PCSK5: variants seen among roughly 807,000 people sequenced by gnomAD.
The protein encoded by PCSK5 is prohormone convertase 5.
Under a neutral mutation model 233.2 loss-of-function variants are expected in PCSK5, and 129 were observed. The observed-to-expected ratio is 0.55, with a 90% CI of 0.48 to 0.64. The LOEUF (loss-of-function observed/expected upper bound fraction) is 0.64. Among genes scored for constraint, PCSK5 ranks in the 30% least tolerant of loss-of-function variants. The pLI is 0.00. For synonymous variants in PCSK5, 825 were observed against 879.2 expected, an observed-to-expected ratio of 0.94 and a Z score of 1.09; for missense variants, 2,076 against 2,430.1, an observed-to-expected ratio of 0.85 and a Z score of 3.06.
At chr9:76,069,981 C>A (rs17061978) in intron 6 of PCSK5, among the ~76,000 whole-genome samples, 6,603 of 149,726 alleles carry the variant, frequency 0.044, 479 homozygotes, top group African/African-American at 0.15. Context: ...GACAAACTTT[C>A]CAATTTCCAT....
rs977952900 is a variant in PCSK5, at chr9:75,918,059, C to T, written c.193-14320C>T. On this transcript the variant is annotated intron_variant, in intron 1 of 37. Transcript: ENST00000674117. ...AGATAGTTTCTCATAGGTAACTATA[C>T]TTCTTCTAATACTGTGAACATTATT... Among the ~76,000 whole-genome samples, 4 of 152,144 alleles carry T rather than the reference C, an allele frequency of 2.6e-5. No homozygotes were observed. In the East Asian group the frequency reaches 7.7e-4, roughly 29 times the overall value.
At chr9:75,973,459 G>C (rs1365850988) in intron 2 of PCSK5, among the ~76,000 whole-genome samples, 1 of 151,830 alleles carries the variant, frequency 6.6e-6, no homozygotes, top group African/African-American at 2.4e-5. Context: ...ATTATTCTTT[G>C]ACTAAAAGAG....
chr9:76,061,695 ATCTATT>A (rs944143292), intron 5 of PCSK5, among the ~76,000 whole-genome samples: 1 of 150,340 alleles, frequency 6.7e-6, no homozygotes, highest in African/African-American at 2.5e-5. Flanking sequence ...GTTTACAGTA[ATCTATT>A]TTATATCTCA....
chr9:75,896,584 C>G (rs1825815774), intron 1 of PCSK5, among the ~76,000 whole-genome samples: 1 of 152,154 alleles, frequency 6.6e-6, no homozygotes, highest in African/African-American at 2.4e-5. Context: ...CCAGGCATTG[C>G]TCTGCATTGG....
chr9:76,122,575 G>A (rs1049497635), intron 9 of PCSK5, among the ~76,000 whole-genome samples: 1 of 151,818 alleles, frequency 6.6e-6, no homozygotes, highest in Non-Finnish European at 1.5e-5. Flanking sequence ...GTTTGGTGAC[G>A]TATTGTTTTT....
chr9:76,283,113 G>C (rs1431473138), intron 24 of PCSK5, among the ~76,000 whole-genome samples: 4 of 152,162 alleles, frequency 2.6e-5, no homozygotes, highest in Non-Finnish European at 5.9e-5. Context: ...AACTTCTCCT[G>C]GTGAAGATGC....
At chr9:76,210,474 G>A (rs1455542707) in intron 20 of PCSK5, among the ~76,000 whole-genome samples, 1 of 152,204 alleles carries the variant, frequency 6.6e-6, no homozygotes, top group Non-Finnish European at 1.5e-5. Context: ...CTGTAAGTTT[G>A]TTTCTGCATA....
At chr9:75,925,241 C>T (rs571887273) in intron 1 of PCSK5, among the ~76,000 whole-genome samples, 64 of 152,078 alleles carry the variant, frequency 4.2e-4, no homozygotes, top group Non-Finnish European at 9.4e-4. Flanking sequence ...TATTCATTCC[C>T]CATGTATTTA....
At chr9:76,273,391 G>C (rs1293079409) in intron 24 of PCSK5, among the ~76,000 whole-genome samples, 1 of 151,796 alleles carries the variant, frequency 6.6e-6, no homozygotes, top group African/African-American at 2.4e-5. Context: ...CTAGGAATTA[G>C]TCTCCTTCAT....
chr9:76,215,389 G>A lies in PCSK5; in HGVS notation c.2627-12114G>A, dbSNP rs529554350. 3.9e-5 allele frequency among the ~76,000 whole-genome samples: 6 copies of A among 152,294 alleles called. No homozygotes were observed. The South Asian group carries it at 1.2e-3, about 32-fold the overall frequency. On this transcript the variant is annotated intron_variant, in intron 20 of 37. Transcript: ENST00000674117. Reference sequence around the variant, plus strand: ...GAATCGAGTTTCCAGGGAAAGGCAGGCTTCCTGAGCTGTGGATGCTAAGCC... The same window carrying A: ...GAATCGAGTTTCCAGGGAAAGGCAGACTTCCTGAGCTGTGGATGCTAAGCC...
chr9:76,050,969 T>A (rs969938204), intron 5 of PCSK5, among the ~76,000 whole-genome samples: 3 of 152,112 alleles, frequency 2.0e-5, no homozygotes, highest in Admixed American at 2.0e-4. Flanking sequence ...TGACAGTCAT[T>A]TTACCTTAAA....
chr9:76,257,568 A>T (rs1032732544), intron 24 of PCSK5, among the ~76,000 whole-genome samples: 3 of 152,186 alleles, frequency 2.0e-5, no homozygotes, highest in African/African-American at 7.2e-5. Flanking sequence ...CCACCAGGGA[A>T]AATTTGGCTC....
Position 75,891,101 on chromosome 9 carries a change from G to C in PCSK5, c.-81G>C. 209 of 1,127,132 alleles carry C rather than the reference G, an allele frequency of 1.9e-4. No individual in the cohort carries two copies. Among genetic ancestry groups the C allele is most frequent in the Non-Finnish European group, 2.3e-4 (202 of 861,058 alleles). 69.8% of individuals were successfully genotyped at this position (1,127,132 alleles called of 1,614,324 possible). A position where few individuals can be genotyped will look rare whatever the true frequency, so the allele number is the denominator to read the frequency against. ...GGCCCGGGGCTGCTCGCCGGGCGGC[G>C]CAGGCCGGAGAAGTTAGTTGTGCGC... is the stretch of plus-strand genomic sequence containing the variant. On this transcript the variant is annotated 5_prime_UTR_variant, in exon 1 of 38. Coordinates refer to ENST00000674117, the MANE Select transcript of PCSK5 (RefSeq NM_001372043.1).
chr9:76,160,923 G>A (rs565201147), intron 12 of PCSK5, among the ~76,000 whole-genome samples: 1 of 152,112 alleles, frequency 6.6e-6, no homozygotes, highest in Admixed American at 6.5e-5. Context: ...ACAGGCACAC[G>A]CCACCACAGC....
At chr9:75,953,324 G>A (rs964160561) in intron 2 of PCSK5, among the ~76,000 whole-genome samples, 2 of 152,116 alleles carry the variant, frequency 1.3e-5, no homozygotes, top group Admixed American at 6.6e-5. Context: ...GAGATAGGGA[G>A]GAGGGGAGGG....
intron 8 of PCSK5, 86 bp downstream of exon 8, chr9:76,096,188 T>TACACACACAC (rs142997056): frequency 5.9e-5 from 39 of 659,004 alleles, no homozygotes; most frequent in Middle Eastern, 8.1e-4. Flanking sequence ...CATATATATA[T>TACACACACAC]ATACACACAC....
chr9:76,027,454 C>G (rs1828476202), intron 5 of PCSK5, among the ~76,000 whole-genome samples: 1 of 152,076 alleles, frequency 6.6e-6, no homozygotes, highest in South Asian at 2.1e-4. Context: ...TTCTTTACTC[C>G]TCCTTCGCTC....
intron 20 of PCSK5, among the ~76,000 whole-genome samples, chr9:76,208,624 A>C (rs143459814): frequency 3.0e-4 from 45 of 152,278 alleles, no homozygotes; most frequent in Non-Finnish European, 6.3e-4. Context: ...CTGTCAATCT[A>C]ATTTATAAGT....
chr9:75,917,561 T>G (rs1190592162), intron 1 of PCSK5, among the ~76,000 whole-genome samples: 2 of 152,262 alleles, frequency 1.3e-5, no homozygotes, highest in Non-Finnish European at 2.9e-5. Flanking sequence ...GGTTCATTTA[T>G]GCAGAATCAA....
Sources: gnomAD v4.1 joint callset for allele counts (sites outside exome capture counted in the v4.1 genomes callset) on GRCh38, gnomAD v4.1.1 for gene constraint, MANE v1.5 for transcripts, NCBI Gene and HGNC (gene_info 2026-07-23, HGNC 2026-07-21) for gene names.